IL1RN: variants seen among roughly 807,000 people sequenced by gnomAD.
IL1RN encodes the protein interleukin 1 receptor antagonist.
Under a neutral mutation model 13.7 loss-of-function variants are expected in IL1RN, and 10 were observed. The observed-to-expected ratio is 0.73, with a 90% CI of 0.45 to 1.24. IL1RN has a LOEUF of 1.24. Ranked by LOEUF, IL1RN falls within the 50% of genes most tolerant of loss-of-function variation. The pLI is 0.00. For missense variants in IL1RN, 213 were observed against 222.1 expected, an observed-to-expected ratio of 0.96 and a Z score of 0.26; for synonymous variants, 102 against 82.7, an observed-to-expected ratio of 1.23 and a Z score of -1.27.
intron 3 of IL1RN, among the ~76,000 whole-genome samples, chr2:113,132,231 G>A (rs1410541930): frequency 6.6e-6 from 1 of 152,206 alleles, no homozygotes; most frequent in Non-Finnish European, 1.5e-5. Flanking sequence ...GGCAGATCAC[G>A]AGGTCAGGAG....
At chr2:113,128,550 T>C (rs1687047703) in intron 1 of IL1RN, among the ~76,000 whole-genome samples, 1 of 152,122 alleles carries the variant, frequency 6.6e-6, no homozygotes, top group Non-Finnish European at 1.5e-5. Flanking sequence ...TGCCTCTCCC[T>C]GCTCTGATCA....
upstream of IL1RN, among the ~76,000 whole-genome samples, chr2:113,115,992 T>C (rs1215544475): frequency 6.6e-6 from 1 of 152,164 alleles, no homozygotes; most frequent in Non-Finnish European, 1.5e-5. Flanking sequence ...CCTCTGATAG[T>C]AATGGCTAAT....
chr2:113,117,684 C>G, upstream of IL1RN: 4 of 500,678 alleles, frequency 8.0e-6, no homozygotes, highest in Admixed American at 3.3e-5. Context: ...GAAGGCCCAG[C>G]TCAGTTCTCT....
intron 2 of IL1RN, 63 bp from the exon 3 acceptor site, chr2:113,130,982 G>T: frequency 9.6e-7 from 1 of 1,038,808 alleles, no homozygotes. Context: ...AAATACCCGG[G>T]GTCTCTTCAT....
the IL1RN span, among the ~76,000 whole-genome samples, chr2:113,099,810 C>T: frequency 3.0e-5 from 4 of 133,132 alleles, no homozygotes; most frequent in East Asian, 6.3e-4. Context: ...TCTCGGCTCA[C>T]TGCAAGCTCC....
chr2:113,131,981 CA>C (rs1687186796), intron 3 of IL1RN, among the ~76,000 whole-genome samples: 1 of 152,186 alleles, frequency 6.6e-6, no homozygotes, highest in Admixed American at 6.5e-5. Flanking sequence ...AACACACCAC[CA>C]CCCCATCTTC....
chr2:113,110,594 G>A (rs72950885), upstream of IL1RN, among the ~76,000 whole-genome samples: 13 of 152,100 alleles, frequency 8.5e-5, no homozygotes, highest in African/African-American at 2.7e-4. Context: ...CTCACCTTGC[G>A]CAAAGATAAT....
At chr2:113,112,422 T>C (rs315933) in intron 1 of IL1RN, among the ~76,000 whole-genome samples, 103,360 of 152,034 alleles carry the variant, frequency 0.68, 35,583 homozygotes, top group African/African-American at 0.72. Flanking sequence ...GAATGCCACC[T>C]CAAGCCTCCC....
intron 1 of IL1RN, chr2:113,118,155 C>T: frequency 4.1e-6 from 6 of 1,453,522 alleles, no homozygotes; most frequent in Non-Finnish European, 5.7e-6. Context: ...GCGCATGGAG[C>T]TCCAGGCCTG....
intron 1 of IL1RN, among the ~76,000 whole-genome samples, chr2:113,112,308 T>C (rs1361264037): frequency 6.6e-6 from 1 of 152,226 alleles, no homozygotes; most frequent in Non-Finnish European, 1.5e-5. Context: ...TTTCTGGGTA[T>C]AGGACCCTAT....
At chr2:113,128,776 G>A (rs1354331009) in intron 1 of IL1RN, among the ~76,000 whole-genome samples, 1 of 152,186 alleles carries the variant, frequency 6.6e-6, no homozygotes, top group Non-Finnish European at 1.5e-5. Flanking sequence ...CAGGTGAAGA[G>A]GTGAGGCACA....
the IL1RN span, among the ~76,000 whole-genome samples, chr2:113,100,630 G>T: frequency 6.6e-6 from 1 of 152,182 alleles, no homozygotes; most frequent in African/African-American, 2.4e-5. Context: ...AGAAACTGAG[G>T]CTCGGAGAGG....
chr2:113,109,763 C>CAAA (rs55942804), upstream of IL1RN, among the ~76,000 whole-genome samples: 2 of 136,832 alleles, frequency 1.5e-5, no homozygotes, highest in Non-Finnish European at 3.1e-5. Context: ...ATTATGACTG[C>CAAA]AAAAAAAAAA....
upstream of IL1RN, among the ~76,000 whole-genome samples, chr2:113,126,464 C>T (rs1686963896): frequency 6.6e-6 from 1 of 152,210 alleles, no homozygotes; most frequent in Non-Finnish European, 1.5e-5. Context: ...CTCTAAAACA[C>T]TGCAACGTAT....
the IL1RN span, among the ~76,000 whole-genome samples, chr2:113,102,067 CG>C: frequency 2.6e-5 from 4 of 152,124 alleles, no homozygotes; most frequent in African/African-American, 9.7e-5. Flanking sequence ...GTGCCCCGCC[CG>C]AGACTTTTTT....
upstream of IL1RN, chr2:113,115,716 C>G (rs1180672273): frequency 6.6e-6 from 1 of 152,228 alleles, no homozygotes; most frequent in Non-Finnish European, 1.5e-5. Flanking sequence ...GTACCCTAGG[C>G]TAAGCCACTG....
exon 1 of IL1RN, chr2:113,118,028 G>C (rs1383677539): frequency 6.2e-7 from 1 of 1,606,646 alleles, no homozygotes; most frequent in Non-Finnish European, 8.5e-7. Context: ...CATGGCTTTA[G>C]GTAAGCTCCT....
At chr2:113,126,729 C>T (rs2104450139), upstream of IL1RN, among the ~76,000 whole-genome samples, 2 of 144,456 alleles carry the variant, frequency 1.4e-5, no homozygotes, top group South Asian at 5.0e-4. Context: ...GTGAAGAAGA[C>T]ATGATCACCC....
At chr2:113,125,118 C>T (rs184790098), upstream of IL1RN, among the ~76,000 whole-genome samples, 114 of 152,326 alleles carry the variant, frequency 7.5e-4, no homozygotes, top group African/African-American at 2.7e-3. Context: ...GAATTATGGT[C>T]TTCCAATTCC....
Sources: allele counts gnomAD v4.1 joint callset (sites outside exome capture counted in the v4.1 genomes callset), GRCh38; gene constraint gnomAD v4.1.1; transcripts MANE v1.5; gene names NCBI Gene and HGNC (gene_info 2026-07-23, HGNC 2026-07-21).